ZNF347: variants seen among roughly 807,000 people sequenced by gnomAD.
The protein encoded by ZNF347 is zinc finger protein 347.
A neutral mutation model predicts 12.9 loss-of-function variants in ZNF347; 19 were observed. The observed-to-expected ratio is 1.47, with a 90% confidence interval of 1.03 to 2.16. The LOEUF (loss-of-function observed/expected upper bound fraction) is 2.16, where lower values mean the gene tolerates loss of function less well. Among genes scored for constraint, ZNF347 ranks in the 30% most tolerant of loss-of-function variants. ZNF347 has a pLI of 0.00. For synonymous variants in ZNF347, 328 were observed against 340.6 expected, an observed-to-expected ratio of 0.96 and a Z score of 0.41; for missense variants, 1,005 against 990.6, an observed-to-expected ratio of 1.01 and a Z score of -0.19.
intron 1 of ZNF347, among the ~76,000 whole-genome samples, chr19:53,158,349 C>T (rs1190361892): frequency 6.6e-6 from 1 of 152,200 alleles, no homozygotes; most frequent in African/African-American, 2.4e-5. Flanking sequence ...CTCGCCGGTA[C>T]CGGGGCTGAG....
chr19:53,149,560 C>A (rs4801957), intron 2 of ZNF347, 193 bp from the exon 3 acceptor site: 757,813 of 1,110,278 alleles, frequency 0.68, 261,661 homozygotes, highest in East Asian at 0.79. Context: ...GTGATAAGTG[C>A]CTTTGTAAGC....
chr19:53,154,332 TA>T (rs772091109), intron 1 of ZNF347, among the ~76,000 whole-genome samples: 3 of 151,098 alleles, frequency 2.0e-5, no homozygotes, highest in Non-Finnish European at 3.0e-5. Flanking sequence ...AAAAAAAAAG[TA>T]ATAAATTTAG....
At chr19:53,147,376 A>AAAACAAAC (rs35675251) in intron 4 of ZNF347, among the ~76,000 whole-genome samples, 133 of 150,992 alleles carry the variant, frequency 8.8e-4, no homozygotes, top group African/African-American at 3.0e-3. Flanking sequence ...CTGCATCTCA[A>AAAACAAAC]AAACAAACAA....
rs1043556309 is a variant in ZNF347 at position 53,135,615 on chromosome 19, C to A, written c.*4693G>T. 1 of 152,060 alleles carries A rather than the reference C, an allele frequency of 6.6e-6. No individual in the cohort carries two copies. The highest frequency in any genetic ancestry group is 1.5e-5 in the Non-Finnish European group (1 of 68,028). 9.4% of individuals were successfully genotyped at this position (152,060 alleles called of 1,614,324 possible). The stretch of plus-strand genomic sequence containing the variant: ...CTCGAATTCCTGACCTCAGGTGATC[C>A]CCCCGCCTCGGCCTCCCAAAGTGCT... On this transcript the variant is annotated 3_prime_UTR_variant, in exon 5 of 5. Coordinates refer to ENST00000334197, the MANE Select transcript of ZNF347 (RefSeq NM_032584.3).
Position 53,140,472 on chromosome 19 carries a change from T to G in ZNF347, c.2356A>C (p.Ile786Leu). 6.2e-7 allele frequency: 1 copy of G among 1,613,860 alleles called. No homozygotes were observed. Among genetic ancestry groups the G allele is most frequent in the Non-Finnish European group, 8.5e-7 (1 of 1,179,908 alleles). The change falls in exon 5 of 5, where the codon ATT becomes CTT. Residue 786 changes from isoleucine (I) to leucine (L), a missense_variant. Coordinates refer to ENST00000334197, the MANE Select transcript of ZNF347 (RefSeq NM_032584.3). The part of the protein sequence containing the change: ...QTSKLARHQR[I>L]HTGEKPYECG... Reference sequence around the variant, plus strand: ...TCATATGGTTTCTCTCCGGTATGAATTCTCTGATGCCTTGCAAGTTTTGAA... The same window carrying G: ...TCATATGGTTTCTCTCCGGTATGAAGTCTCTGATGCCTTGCAAGTTTTGAA...
rs2090380386 is a variant in ZNF347 at position 53,135,325 on chromosome 19, T to TAGAG, written c.*4982_*4983insCTCT. On this transcript the variant is annotated 3_prime_UTR_variant, in exon 5 of 5. Coordinates refer to ENST00000334197, the MANE Select transcript of ZNF347 (RefSeq NM_032584.3). ...ATATATATATATATATATATATATA[T>TAGAG]ATATATATATATATAGAGAGAGAGA... 2.2e-5 allele frequency: 1 copy of TAGAG among 45,914 alleles called. No homozygotes were observed. Among genetic ancestry groups the TAGAG allele is most frequent in the African/African-American group, 7.2e-5 (1 of 13,852 alleles). 2.8% of individuals were successfully genotyped at this position (45,914 alleles called of 1,614,324 possible). A position where few individuals can be genotyped will look rare whatever the true frequency, so the allele number is the denominator to read the frequency against.
At chr19:53,144,253 G>C in intron 4 of ZNF347, among the ~76,000 whole-genome samples, 1 of 152,072 alleles carries the variant, frequency 6.6e-6, no homozygotes, top group African/African-American at 2.4e-5. Context: ...CACCTATAAG[G>C]ATACATGTAG....
intron 2 of ZNF347, among the ~76,000 whole-genome samples, chr19:53,150,553 T>C (rs896691103): frequency 7.2e-5 from 11 of 152,194 alleles, no homozygotes; most frequent in Non-Finnish European, 1.3e-4. Flanking sequence ...CTATATATTA[T>C]GTCTAACACA....
chr19:53,150,215 G>C (rs2090488734), intron 2 of ZNF347, among the ~76,000 whole-genome samples: 1 of 152,156 alleles, frequency 6.6e-6, no homozygotes, highest in African/African-American at 2.4e-5. Context: ...GACAGTGTCA[G>C]AATTGAACTG....
At chr19:53,143,469 C>T (rs2090443132) in intron 4 of ZNF347, among the ~76,000 whole-genome samples, 1 of 147,380 alleles carries the variant, frequency 6.8e-6, no homozygotes, top group Admixed American at 7.1e-5. Context: ...TGAGTGAGAA[C>T]ATGCGGTGTT....
intron 2 of ZNF347, 141 bp from the exon 3 acceptor site, chr19:53,149,508 C>T (rs1176503024): frequency 1.4e-6 from 2 of 1,446,536 alleles, no homozygotes; most frequent in Non-Finnish European, 1.8e-6. Context: ...ATATGGTCTT[C>T]ATCCCCCTTT....
rs1019759659 is a variant in ZNF347 at position 53,138,982 on chromosome 19, T to C, written c.*1326A>G. On this transcript the variant is annotated 3_prime_UTR_variant, in exon 5 of 5. Coordinates refer to ENST00000334197, the MANE Select transcript of ZNF347 (RefSeq NM_032584.3). ...CCAAGCTCTCCACTCTAATAACTGT[T>C]ACCTCTTCAATTTCAAAAATAAGCC... The C allele has an allele frequency of 6.6e-6, 1 of 152,196 alleles. No homozygotes were observed. Among genetic ancestry groups the C allele is most frequent in the African/African-American group, 2.4e-5 (1 of 41,452 alleles). 9.4% of individuals were successfully genotyped at this position (152,196 alleles called of 1,614,324 possible).
rs10425366 is a variant in ZNF347 at position 53,139,299 on chromosome 19, G to C, written c.*1009C>G. 1 of 152,112 alleles carries C rather than the reference G, an allele frequency of 6.6e-6. No homozygotes were observed. 9.4% of individuals were successfully genotyped at this position (152,112 alleles called of 1,614,324 possible). A position where few individuals can be genotyped will look rare whatever the true frequency, so the allele number is the denominator to read the frequency against. On this transcript the variant is annotated 3_prime_UTR_variant, in exon 5 of 5. Coordinates refer to ENST00000334197, the MANE Select transcript of ZNF347 (RefSeq NM_032584.3). Reference sequence around the variant, plus strand: ...GCCCCAAAACCATGGTCTCTCAATTGAGAGAATATTTAATTTTACAAGGCA... The same window carrying C: ...GCCCCAAAACCATGGTCTCTCAATTCAGAGAATATTTAATTTTACAAGGCA...
chr19:53,139,433 G>A lies in ZNF347; in HGVS notation c.*875C>T, dbSNP rs1212506024. ...ATAGGCACCACGAAAGGTGCTTAAG[G>A]ATGCAAAATAGCCACAGATCCATAG... On this transcript the variant is annotated 3_prime_UTR_variant, in exon 5 of 5. Coordinates refer to ENST00000334197, the MANE Select transcript of ZNF347 (RefSeq NM_032584.3). 6.6e-6 allele frequency: 1 copy of A among 152,160 alleles called. No homozygotes were observed. The highest frequency in any genetic ancestry group is 1.9e-4 in the East Asian group (1 of 5,192). The allele number at this position is 152,160 out of a possible 1,614,324, so 9.4% of individuals were successfully genotyped here.
chr19:53,149,017 G>T, intron 3 of ZNF347: 1 of 1,096,498 alleles, frequency 9.1e-7, no homozygotes, highest in Non-Finnish European at 1.3e-6. Flanking sequence ...CAAAGCATGG[G>T]GATAGAAAAC....
At chr19:53,153,911 G>A (rs556343089) in intron 1 of ZNF347, 118 bp from the exon 2 acceptor site, 12 of 711,890 alleles carry the variant, frequency 1.7e-5, no homozygotes, top group Admixed American at 1.5e-4. Flanking sequence ...ACACAGGGAA[G>A]ACCTCACCCT....
chr19:53,151,992 G>C (rs142316604), intron 2 of ZNF347, among the ~76,000 whole-genome samples: 5,791 of 142,808 alleles, frequency 0.041, 205 homozygotes, highest in Middle Eastern at 0.06. Flanking sequence ...ACTCAGGAGG[G>C]TGAGGCAGGA....
rs752010080 is a variant in ZNF347 at position 53,141,625 on chromosome 19, GT to G, written c.1202del (p.Tyr401SerfsTer44). Reference sequence around the variant, plus strand: ...AGACCTTGCCACATTCATTACATTTGTAAGGTTTTTCTCCACTGTGGGTTGC... The same window carrying G: ...AGACCTTGCCACATTCATTACATTTGAAGGTTTTTCTCCACTGTGGGTTGC... ...HQATHSGEKP[Y>X]KCNECGKVFT... On this transcript the variant is annotated frameshift_variant, in exon 5 of 5. Transcript: ENST00000334197. LOFTEE classifies it low-confidence loss of function (END_TRUNC). The G allele has an allele frequency of 4.3e-6, 7 of 1,613,698 alleles. No individual in the cohort carries two copies. The highest frequency in any genetic ancestry group is 5.9e-6 in the Non-Finnish European group (7 of 1,179,916).
chr19:53,142,671 T>C (rs1026235513), intron 4 of ZNF347, 115 bp from the exon 5 acceptor site: 19 of 763,172 alleles, frequency 2.5e-5, no homozygotes, highest in Non-Finnish European at 3.0e-5. Context: ...GCAATTCTTA[T>C]ATTAAACAGA....
Sources: allele counts gnomAD v4.1 joint callset (sites outside exome capture counted in the v4.1 genomes callset), GRCh38; gene constraint gnomAD v4.1.1; transcripts MANE v1.5; gene names NCBI Gene and HGNC (gene_info 2026-07-23, HGNC 2026-07-21).